The following XIRP2 variants were observed in gnomAD, a reference collection of about 807,000 sequenced individuals.
XIRP2 encodes xin actin binding repeat containing 2, also known as xin actin-binding repeat-containing protein 2.
A neutral mutation model predicts 277.0 loss-of-function variants in XIRP2; 236 were observed. The ratio of observed to expected loss-of-function variants is 0.85; its 90% CI spans 0.77 to 0.95. XIRP2 has a LOEUF of 0.95. Among genes scored for constraint, XIRP2 ranks in the 40% least tolerant of loss-of-function variants. The probability of loss-of-function intolerance (pLI) is 0.00; values close to 1 mark genes in which losing one functional copy is unlikely to be tolerated. For missense variants in XIRP2, 4,640 were observed against 4,157.5 expected, an observed-to-expected ratio of 1.12 and a Z score of -3.19; for synonymous variants, 1,490 against 1,416.5, an observed-to-expected ratio of 1.05 and a Z score of -1.17.
intron 2 of XIRP2, among the ~76,000 whole-genome samples, chr2:167,129,826 C>T (rs371614179): frequency 5.4e-5 from 8 of 148,616 alleles, no homozygotes; most frequent in African/African-American, 1.5e-4. Flanking sequence ...GCTGAGATCG[C>T]GCCATTGCAC....
chr2:167,023,376 T>A (rs1288033655), intron 2 of XIRP2, among the ~76,000 whole-genome samples: 1 of 152,076 alleles, frequency 6.6e-6, no homozygotes, highest in African/African-American at 2.4e-5. Context: ...GATGAGTAGG[T>A]TGCAAAAATT....
intron 3 of XIRP2, among the ~76,000 whole-genome samples, chr2:167,190,152 G>T (rs1031611359): frequency 2.0e-5 from 3 of 152,172 alleles, no homozygotes; most frequent in African/African-American, 7.2e-5. Context: ...CCAGCACTTG[G>T]ATGTGTTCAC....
At chr2:167,099,848 C>T (rs1017282854) in intron 2 of XIRP2, among the ~76,000 whole-genome samples, 1 of 152,218 alleles carries the variant, frequency 6.6e-6, no homozygotes, top group African/African-American at 2.4e-5. Flanking sequence ...CACTGTCTAA[C>T]CAGTCCCAAT....
chr2:166,967,714 T>C (rs574566154), intron 2 of XIRP2, among the ~76,000 whole-genome samples: 39 of 151,958 alleles, frequency 2.6e-4, no homozygotes, highest in Non-Finnish European at 5.0e-4. Context: ...CAGTAAAACA[T>C]TGAATGTCAG....
intron 3 of XIRP2, among the ~76,000 whole-genome samples, chr2:167,160,999 C>A (rs1384264108): frequency 6.6e-6 from 1 of 152,168 alleles, no homozygotes; most frequent in Admixed American, 6.5e-5. Flanking sequence ...AACAAAGGGG[C>A]TATAGGCCCC....
At chr2:166,930,350 T>A (rs1044646707) in intron 2 of XIRP2, among the ~76,000 whole-genome samples, 1 of 152,170 alleles carries the variant, frequency 6.6e-6, no homozygotes, top group Admixed American at 6.6e-5. Flanking sequence ...ATAGGCAACT[T>A]TTCTGAAACA....
chr2:166,926,442 T>G (rs879736349), intron 2 of XIRP2, among the ~76,000 whole-genome samples: 6 of 152,108 alleles, frequency 3.9e-5, no homozygotes, highest in Non-Finnish European at 5.9e-5. Context: ...CTGTTGCCAT[T>G]AAAAAGAATC....
intron 2 of XIRP2, among the ~76,000 whole-genome samples, chr2:167,046,951 A>C (rs902485820): frequency 6.6e-6 from 1 of 151,982 alleles, no homozygotes; most frequent in Admixed American, 6.6e-5. Context: ...AAAAAAAAGA[A>C]ATTTCATAAA....
At chr2:167,008,687 T>C (rs1014938213) in intron 2 of XIRP2, among the ~76,000 whole-genome samples, 1 of 151,602 alleles carries the variant, frequency 6.6e-6, no homozygotes, top group Non-Finnish European at 1.5e-5. Context: ...TGTGAAAACA[T>C]AAACTGCTTT....
Position 167,257,927 on chromosome 2 carries a change from A to G in XIRP2, c.*110A>G. On this transcript the variant is annotated 3_prime_UTR_variant, in exon 11 of 11. Transcript: ENST00000409195. ...TCACTTTAAACAACTTTTCAAATCC[A>G]AAGGAAATTATGATGAAGGTTTTGG... The G allele has an allele frequency of 1.9e-6, 3 of 1,612,296 alleles. No homozygotes were observed. The highest frequency in any genetic ancestry group is 1.7e-6 in the Non-Finnish European group (2 of 1,179,180).
intron 2 of XIRP2, among the ~76,000 whole-genome samples, chr2:167,074,689 G>C (rs1032404027): frequency 2.0e-5 from 3 of 151,920 alleles, no homozygotes; most frequent in Non-Finnish European, 4.4e-5. Flanking sequence ...TCCCAGACTG[G>C]AGTGCAGTAA....
At chr2:167,090,784 A>G (rs1443405736) in intron 2 of XIRP2, among the ~76,000 whole-genome samples, 1 of 152,072 alleles carries the variant, frequency 6.6e-6, no homozygotes, top group Non-Finnish European at 1.5e-5. Context: ...CATTCCTGCA[A>G]GAACCAATGT....
chr2:167,088,703 C>T (rs900611721), intron 2 of XIRP2, among the ~76,000 whole-genome samples: 1 of 152,168 alleles, frequency 6.6e-6, no homozygotes, highest in Non-Finnish European at 1.5e-5. Flanking sequence ...CCTCAATTCC[C>T]CCAAATCCCT....
chr2:167,249,188 C>T lies in XIRP2; in HGVS notation c.7796C>T (p.Ser2599Phe). 6.2e-7 allele frequency: 1 copy of T among 1,613,650 alleles called. No individual in the cohort carries two copies. The highest frequency in any genetic ancestry group is 8.5e-7 in the Non-Finnish European group (1 of 1,179,758). ...AAAACCAATGAGGAGGTTTCCCTATCTGGAATTGATTCAGAATGCACTGTG... is the reference window on the plus strand; with the variant it reads ...AAAACCAATGAGGAGGTTTCCCTATTTGGAATTGATTCAGAATGCACTGTG... ...LQKTNEEVSL[S>F]GIDSECTVVQ... is the part of the protein sequence containing the mutation. Residue 2599 changes from serine (S) to phenylalanine (F), a missense_variant, in exon 9 of 11, where the codon TCT (serine) becomes TTT (phenylalanine). Ser to Phe is a radical substitution (Grantham distance 155). Coordinates refer to ENST00000409195, the MANE Select transcript of XIRP2 (RefSeq NM_152381.6).
At chr2:167,229,782 A>G (rs1373553627) in intron 5 of XIRP2, among the ~76,000 whole-genome samples, 2 of 152,132 alleles carry the variant, frequency 1.3e-5, no homozygotes, top group African/African-American at 4.8e-5. Flanking sequence ...AGACATTAAG[A>G]AGTTCTGTTC....
intron 5 of XIRP2, among the ~76,000 whole-genome samples, chr2:167,233,699 T>C (rs1480186534): frequency 6.6e-6 from 1 of 151,778 alleles, no homozygotes; most frequent in Non-Finnish European, 1.5e-5. Flanking sequence ...TCTTTTTCTT[T>C]AGAATATTTT....
Position 167,259,365 on chromosome 2 carries a change from A to AT in XIRP2, c.*1549dup, listed in dbSNP as rs1695777511. 6.3e-7 allele frequency: 1 copy of AT among 1,596,570 alleles called. No individual in the cohort carries two copies. Among genetic ancestry groups the AT allele is most frequent in the African/African-American group, 1.4e-5 (1 of 73,740 alleles). On this transcript the variant is annotated 3_prime_UTR_variant, in exon 11 of 11. Transcript: ENST00000409195. ...AGGTGCTACAGTGACACTGAGTAAA[A>AT]TATCTATGGCCACTGACAGTCCACA... is the stretch of plus-strand genomic sequence containing the variant.
chr2:167,178,148 A>G (rs1692905775), intron 3 of XIRP2, among the ~76,000 whole-genome samples: 1 of 152,072 alleles, frequency 6.6e-6, no homozygotes, highest in African/African-American at 2.4e-5. Flanking sequence ...TGTTTTATTC[A>G]AATATGAACA....
At chr2:167,180,510 A>C (rs975541426) in intron 3 of XIRP2, among the ~76,000 whole-genome samples, 26 of 151,814 alleles carry the variant, frequency 1.7e-4, no homozygotes, top group African/African-American at 6.1e-4. Context: ...TGAATTTTGC[A>C]TTTTTTGCAG....
Sources: allele counts gnomAD v4.1 joint callset (sites outside exome capture counted in the v4.1 genomes callset), GRCh38; gene constraint gnomAD v4.1.1; transcripts MANE v1.5; gene names NCBI Gene and HGNC (gene_info 2026-07-23, HGNC 2026-07-21).